Variants in RIC8B observed in about 807,000 individuals in gnomAD.
The protein encoded by RIC8B is RIC8 guanine nucleotide exchange factor B.
A neutral mutation model predicts 57.5 loss-of-function variants in RIC8B; 16 were observed. That is an observed-to-expected ratio of 0.28 (90% CI 0.19 to 0.42). RIC8B has a LOEUF of 0.42. Among genes scored for constraint, RIC8B ranks in the 10% least tolerant of loss-of-function variants. The pLI is 1.00. For synonymous variants in RIC8B, 216 were observed against 250.8 expected (o/e 0.86, Z 1.31); for missense variants, 481 against 677.0 (o/e 0.71, Z 3.21).
intron 2 of RIC8B, among the ~76,000 whole-genome samples, chr12:106,812,857 T>G (rs2045397539): frequency 6.6e-6 from 1 of 152,190 alleles, no homozygotes; most frequent in South Asian, 2.1e-4. Flanking sequence ...TTTCTAAATA[T>G]CAGGTATGGC....
chr12:106,835,569 TA>T (rs2046558967), intron 4 of RIC8B, among the ~76,000 whole-genome samples: 1 of 152,236 alleles, frequency 6.6e-6, no homozygotes, highest in Non-Finnish European at 1.5e-5. Flanking sequence ...AGAGGTTGTA[TA>T]ATTTGCCTAA....
At chr12:106,866,203 C>T (rs1009993906) in intron 8 of RIC8B, among the ~76,000 whole-genome samples, 5 of 151,954 alleles carry the variant, frequency 3.3e-5, no homozygotes, top group Admixed American at 3.3e-4. Context: ...TGTTTTTGTT[C>T]ATGTAGATGT....
At chr12:106,803,809 G>T (rs1210687470) in intron 2 of RIC8B, among the ~76,000 whole-genome samples, 2 of 152,124 alleles carry the variant, frequency 1.3e-5, no homozygotes, top group Admixed American at 1.3e-4. Context: ...AGAAAAACAA[G>T]CCACCTTTAA....
chr12:106,777,923 G>C (rs1380049927), intron 1 of RIC8B, among the ~76,000 whole-genome samples: 1 of 152,206 alleles, frequency 6.6e-6, no homozygotes, highest in African/African-American at 2.4e-5. Context: ...GCCTGGCTAT[G>C]ATCCTCAACT....
At chr12:106,852,914 C>G (rs886500116) in intron 7 of RIC8B, among the ~76,000 whole-genome samples, 1 of 152,160 alleles carries the variant, frequency 6.6e-6, no homozygotes, top group African/African-American at 2.4e-5. Flanking sequence ...TGAATTGATT[C>G]GAGATCGGAA....
At chr12:106,816,563 T>C (rs2136292431) in intron 3 of RIC8B, among the ~76,000 whole-genome samples, 1 of 152,340 alleles carries the variant, frequency 6.6e-6, no homozygotes, top group South Asian at 2.1e-4. Context: ...TGGTTATTTT[T>C]CTTACGCTGT....
At chr12:106,850,563 C>T (rs1949425127) in intron 6 of RIC8B, among the ~76,000 whole-genome samples, 2 of 152,084 alleles carry the variant, frequency 1.3e-5, no homozygotes, top group Admixed American at 6.6e-5. Flanking sequence ...GTCTATTTGC[C>T]ATTACTTTTA....
rs781760408 is a variant in RIC8B, at chr12:106,814,687, GT to G, written c.133-4del. 1 of 1,570,442 alleles carries G rather than the reference GT, an allele frequency of 6.4e-7. No homozygotes were observed. Among genetic ancestry groups the G allele is most frequent in the Non-Finnish European group, 8.6e-7 (1 of 1,160,970 alleles). ...TAATGATTTTTGCATACTCGTTCTTGTTTTTCAGAAACTCTGTGAAGGCATA... is the reference window on the plus strand; with the variant it reads ...TAATGATTTTTGCATACTCGTTCTTGTTTTCAGAAACTCTGTGAAGGCATA... On this transcript the variant is annotated splice_polypyrimidine_tract_variant and splice_region_variant and intron_variant, in intron 2 of 9. Transcript: ENST00000392837.
At chr12:106,861,547 G>A (rs927688851) in intron 8 of RIC8B, among the ~76,000 whole-genome samples, 1 of 151,856 alleles carries the variant, frequency 6.6e-6, no homozygotes, top group Non-Finnish European at 1.5e-5. Flanking sequence ...CTTTTTGGGG[G>A]AAAGCTGGCA....
chr12:106,832,756 G>A (rs1322088460), intron 4 of RIC8B, among the ~76,000 whole-genome samples: 2 of 152,106 alleles, frequency 1.3e-5, no homozygotes, highest in African/African-American at 2.4e-5. Flanking sequence ...AAGCAGGATC[G>A]TTCTTAAACC....
Position 106,887,272 on chromosome 12 carries a change from G to A in RIC8B, c.*1257G>A, listed in dbSNP as rs1406919544. Reference sequence around the variant, plus strand: ...AAAACTTTAAATTAAATAAAACATTGGGGTTGATTCAATTTGGCCATCTGT... The same window carrying A: ...AAAACTTTAAATTAAATAAAACATTAGGGTTGATTCAATTTGGCCATCTGT... On this transcript the variant is annotated 3_prime_UTR_variant, in exon 10 of 10. Transcript: ENST00000392837. 6.6e-6 allele frequency: 1 copy of A among 152,468 alleles called. No homozygotes were observed. Among genetic ancestry groups the A allele is most frequent in the Non-Finnish European group, 1.5e-5 (1 of 68,002 alleles). 9.4% of individuals were successfully genotyped at this position (152,468 alleles called of 1,614,324 possible). A position where few individuals can be genotyped will look rare whatever the true frequency, so the allele number is the denominator to read the frequency against.
chr12:106,879,820 T>A lies in RIC8B; in HGVS notation c.1572-6084T>A. ...ATCTCTTCCCTGGCCAGATGCCTGA[T>A]CAGATGAGAAGCCCGCCATGATACT... On this transcript the variant is annotated intron_variant, in intron 9 of 9. Coordinates refer to ENST00000392837, the MANE Select transcript of RIC8B (RefSeq NM_001330145.2). The surrounding 1 kb of genome is among the most constrained non-coding windows in gnomAD (Gnocchi z 4.9). The A allele has an allele frequency of 1.0e-6, 1 of 985,448 alleles. No individual in the cohort carries two copies. The highest frequency in any genetic ancestry group is 1.2e-6 in the Non-Finnish European group (1 of 829,930). 61.0% of individuals were successfully genotyped at this position (985,448 alleles called of 1,614,324 possible).
chr12:106,775,797 A>G (rs2043448261), intron 1 of RIC8B, among the ~76,000 whole-genome samples: 1 of 152,202 alleles, frequency 6.6e-6, no homozygotes, highest in Non-Finnish European at 1.5e-5. Context: ...CTTTATAGGA[A>G]TGACTGGCGA....
intron 3 of RIC8B, among the ~76,000 whole-genome samples, chr12:106,816,063 A>G (rs1255928225): frequency 6.6e-6 from 1 of 152,210 alleles, no homozygotes; most frequent in Non-Finnish European, 1.5e-5. Flanking sequence ...TCAACAAATT[A>G]AGTGAAGTAG....
chr12:106,873,484 A>G (rs1417651677), intron 9 of RIC8B, among the ~76,000 whole-genome samples: 1 of 152,110 alleles, frequency 6.6e-6, no homozygotes, highest in Non-Finnish European at 1.5e-5. Flanking sequence ...TGTGTTCCTC[A>G]TTAGTCTTAA....
rs2136657011 is a variant in RIC8B, at chr12:106,879,285, T to C, written c.1572-6619T>C. On this transcript the variant is annotated intron_variant, in intron 9 of 9. Coordinates refer to ENST00000392837, the MANE Select transcript of RIC8B (RefSeq NM_001330145.2). The surrounding 1 kb of genome is among the most constrained non-coding windows in gnomAD (Gnocchi z 4.9). ...GCTGTGGGCAAGAGTATTCTCTTGCTTTCAGGTCAAGTAAAGTGTTTTATA... is the reference window on the plus strand; with the variant it reads ...GCTGTGGGCAAGAGTATTCTCTTGCCTTCAGGTCAAGTAAAGTGTTTTATA... 4 of 985,338 alleles carry C rather than the reference T, an allele frequency of 4.1e-6. No individual in the cohort carries two copies. Among genetic ancestry groups the C allele is most frequent in the South Asian group, 4.7e-5 (1 of 21,286 alleles). The allele number at this position is 985,338 out of a possible 1,614,324, so 61.0% of individuals were successfully genotyped here.
intron 2 of RIC8B, among the ~76,000 whole-genome samples, chr12:106,813,438 C>G (rs536329803): frequency 2.6e-5 from 4 of 152,146 alleles, no homozygotes; most frequent in Non-Finnish European, 4.4e-5. Flanking sequence ...GTTCCGCCTT[C>G]CTCAGCCTCT....
chr12:106,815,721 A>C (rs1246502627), intron 3 of RIC8B, among the ~76,000 whole-genome samples: 1 of 152,212 alleles, frequency 6.6e-6, no homozygotes, highest in African/African-American at 2.4e-5. Context: ...GAAGTTGATC[A>C]ATCAGAATTG....
intron 2 of RIC8B, 74 bp from the exon 3 acceptor site, chr12:106,814,622 T>C (rs1207170442): frequency 1.4e-6 from 2 of 1,426,116 alleles, no homozygotes; most frequent in Non-Finnish European, 1.9e-6. Context: ...GTTAAGTACA[T>C]TGGCAGAGAA....
Sources: gnomAD v4.1 joint callset for allele counts (sites outside exome capture counted in the v4.1 genomes callset) on GRCh38, gnomAD v4.1.1 for gene constraint, Gnocchi (gnomAD v3.1) non-coding constraint, MANE v1.5 for transcripts, NCBI Gene and HGNC (gene_info 2026-07-23, HGNC 2026-07-21) for gene names.